MCTP1: variants seen among roughly 807,000 people sequenced by gnomAD.
MCTP1 encodes the protein multiple C2 and transmembrane domain-containing protein 1.
A neutral mutation model predicts 120.6 loss-of-function variants in MCTP1; 69 were observed. That is an observed-to-expected ratio of 0.57 (90% CI 0.47 to 0.70). The LOEUF (loss-of-function observed/expected upper bound fraction) is 0.70. MCTP1 is among the 30% of genes least tolerant of loss of function. MCTP1 has a pLI of 0.00. For missense variants in MCTP1, 1,203 were observed against 1,248.8 expected (o/e 0.96, Z 0.55); for synonymous variants, 529 against 493.1 (o/e 1.07, Z -0.96).
At chr5:94,711,863 G>A (rs1165183141) in intron 20 of MCTP1, among the ~76,000 whole-genome samples, 1 of 152,136 alleles carries the variant, frequency 6.6e-6, no homozygotes, top group Non-Finnish European at 1.5e-5. Flanking sequence ...AACATGGGAA[G>A]ATTATAATCA....
chr5:94,708,615 A>G lies in MCTP1; in HGVS notation c.2831-6T>C. 6.4e-7 allele frequency: 1 copy of G among 1,565,320 alleles called. No homozygotes were observed. The highest frequency in any genetic ancestry group is 8.8e-7 in the Non-Finnish European group (1 of 1,136,552). On this transcript the variant is annotated splice_polypyrimidine_tract_variant and splice_region_variant and intron_variant, in intron 21 of 22. Coordinates refer to ENST00000515393, the MANE Select transcript of MCTP1 (RefSeq NM_024717.7). ...TTTTGTAAATTTATTGATGCCTGAA[A>G]CAAAGTTGGAGTTAAACAAAGCACA...
rs565378641 is a variant in MCTP1, at chr5:95,174,359, G to A, written c.720+109497C>T. 4.6e-5 allele frequency among the ~76,000 whole-genome samples: 7 copies of A among 152,042 alleles called. No homozygotes were observed. In the East Asian group the frequency reaches 1.2e-3, roughly 25 times the overall value. Reference sequence around the variant, plus strand: ...ATTTCAAAATCAGAGATAATGAAAAGATACTAAACCCAAGAACCAAAAACT... The same window carrying A: ...ATTTCAAAATCAGAGATAATGAAAAAATACTAAACCCAAGAACCAAAAACT... On this transcript the variant is annotated intron_variant, in intron 1 of 22. Coordinates refer to ENST00000515393, the MANE Select transcript of MCTP1 (RefSeq NM_024717.7).
intron 2 of MCTP1, among the ~76,000 whole-genome samples, chr5:95,003,209 A>G (rs1834063655): frequency 6.6e-6 from 1 of 152,174 alleles, no homozygotes; most frequent in African/African-American, 2.4e-5. Context: ...TCTTATAGCA[A>G]CATGAGAATG....
Position 95,283,948 on chromosome 5 carries a change from G to C in MCTP1, c.628C>G (p.Leu210Val). Residue 210 changes from leucine (L) to valine (V), a missense_variant, in exon 1 of 23, where the codon CTG becomes GTG. Leu to Val is a conservative substitution (Grantham distance 32). Transcript: ENST00000515393. ...GCGGGAGGAGGCGGCGGCTCCAGCA[G>C]CTGCTCCAGGCAGGCGGTGCCCGGC... ...SLPGTACLEQLLEPPPPPAEP... is the reference protein window; with the variant it reads ...SLPGTACLEQVLEPPPPPAEP... 1.4e-6 allele frequency: 2 copies of C among 1,408,084 alleles called. No homozygotes were observed. Among genetic ancestry groups the C allele is most frequent in the South Asian group, 1.6e-5 (1 of 63,082 alleles). 87.2% of individuals were successfully genotyped at this position (1,408,084 alleles called of 1,614,324 possible).
At chr5:94,945,031 T>C (rs1024889352) in intron 3 of MCTP1, among the ~76,000 whole-genome samples, 1 of 152,172 alleles carries the variant, frequency 6.6e-6, no homozygotes, top group African/African-American at 2.4e-5. Context: ...ACACATGTTA[T>C]TTTCCCCCCA....
chr5:95,177,551 T>G (rs974127598), intron 1 of MCTP1, among the ~76,000 whole-genome samples: 17 of 152,206 alleles, frequency 1.1e-4, no homozygotes, highest in Non-Finnish European at 1.6e-4. Flanking sequence ...AGCTCTATTA[T>G]CCAGTTATAT....
intron 1 of MCTP1, among the ~76,000 whole-genome samples, chr5:95,249,069 A>G (rs1041219702): frequency 1.3e-4 from 20 of 152,190 alleles, no homozygotes; most frequent in Non-Finnish European, 5.9e-5. Flanking sequence ...CTAGAAGAAA[A>G]CCTAGGCAAT....
At chr5:95,044,566 T>C (rs1842857296) in intron 1 of MCTP1, among the ~76,000 whole-genome samples, 1 of 152,160 alleles carries the variant, frequency 6.6e-6, no homozygotes, top group African/African-American at 2.4e-5. Flanking sequence ...TCTACTTGGA[T>C]GTCTCAGAGG....
intron 1 of MCTP1, among the ~76,000 whole-genome samples, chr5:95,277,308 C>T (rs969966405): frequency 1.2e-4 from 19 of 152,302 alleles, no homozygotes; most frequent in South Asian, 4.1e-4. Flanking sequence ...CTCCCCTCAC[C>T]AGGCTTTAAT....
At chr5:94,791,152 A>G (rs1208683088) in intron 18 of MCTP1, among the ~76,000 whole-genome samples, 4 of 150,596 alleles carry the variant, frequency 2.7e-5, no homozygotes, top group African/African-American at 9.7e-5. Flanking sequence ...TACAAAAATT[A>G]GCCGGGTGCA....
intron 1 of MCTP1, among the ~76,000 whole-genome samples, chr5:95,265,127 T>G (rs1313860380): frequency 2.0e-5 from 3 of 152,076 alleles, no homozygotes; most frequent in African/African-American, 7.2e-5. Context: ...GTTCCCAGTA[T>G]CATGTGGGGA....
At chr5:95,040,007 C>A (rs950312812) in intron 1 of MCTP1, among the ~76,000 whole-genome samples, 1 of 151,836 alleles carries the variant, frequency 6.6e-6, no homozygotes, top group African/African-American at 2.4e-5. Flanking sequence ...TAAACTGCTA[C>A]TATAAGATTG....
chr5:94,845,188 AGTT>A (rs1437195156), intron 17 of MCTP1, among the ~76,000 whole-genome samples: 1 of 152,224 alleles, frequency 6.6e-6, no homozygotes, highest in African/African-American at 2.4e-5. Flanking sequence ...AAGACTGGGT[AGTT>A]TATAAAGAAA....
intron 17 of MCTP1, among the ~76,000 whole-genome samples, chr5:94,860,697 C>G (rs1489545632): frequency 6.6e-6 from 1 of 151,052 alleles, no homozygotes; most frequent in Non-Finnish European, 1.5e-5. Context: ...CATGCATTCA[C>G]AGTGGGGTCA....
intron 2 of MCTP1, among the ~76,000 whole-genome samples, chr5:94,973,169 TG>T (rs2153579800): frequency 1.3e-5 from 2 of 152,338 alleles, no homozygotes; most frequent in South Asian, 4.1e-4. Flanking sequence ...CTGCTTGACC[TG>T]GTTACCTAAC....
chr5:94,773,311 G>C (rs1338352535), intron 19 of MCTP1, among the ~76,000 whole-genome samples: 1 of 152,172 alleles, frequency 6.6e-6, no homozygotes, highest in Non-Finnish European at 1.5e-5. Flanking sequence ...ATCTTTGAAA[G>C]AATATGATTT....
At chr5:94,824,829 G>T (rs901594492) in intron 17 of MCTP1, among the ~76,000 whole-genome samples, 50 of 152,258 alleles carry the variant, frequency 3.3e-4, no homozygotes, top group South Asian at 8.3e-4. Context: ...TTGCGTAGAG[G>T]TGTTTATAGT....
chr5:94,777,982 T>G (rs376957907), intron 19 of MCTP1, among the ~76,000 whole-genome samples: 20 of 151,266 alleles, frequency 1.3e-4, no homozygotes, highest in African/African-American at 4.1e-4. Context: ...AAGCATTGAT[T>G]AGGAAAAAAA....
intron 17 of MCTP1, among the ~76,000 whole-genome samples, chr5:94,822,988 C>A (rs1252469562): frequency 3.3e-5 from 5 of 152,084 alleles, no homozygotes; most frequent in Admixed American, 6.6e-5. Context: ...TTTTCTCCCA[C>A]TCTGTAGGTT....
Sources: gnomAD v4.1 joint callset for allele counts (sites outside exome capture counted in the v4.1 genomes callset) on GRCh38, gnomAD v4.1.1 for gene constraint, MANE v1.5 for transcripts, NCBI Gene and HGNC (gene_info 2026-07-23, HGNC 2026-07-21) for gene names.